The following ARHGAP24 variants were observed in gnomAD, a reference collection of about 807,000 sequenced individuals.
ARHGAP24 encodes rho GTPase-activating protein 24.
In ARHGAP24, 50 loss-of-function variants were observed where a neutral mutation model predicts 76.4. That is an observed-to-expected ratio of 0.65 (90% confidence interval 0.52 to 0.83). The LOEUF is 0.83. Among genes scored for constraint, ARHGAP24 ranks in the 40% least tolerant of loss-of-function variants. ARHGAP24 has a pLI of 0.00. For missense variants in ARHGAP24, 930 were observed against 914.2 expected, an observed-to-expected ratio of 1.02 and a Z score of -0.22; for synonymous variants, 345 against 323.3, an observed-to-expected ratio of 1.07 and a Z score of -0.72.
chr4:85,888,402 G>A (rs116721702), intron 3 of ARHGAP24, among the ~76,000 whole-genome samples: 194 of 125,088 alleles, frequency 1.6e-3, no homozygotes, highest in East Asian at 2.3e-3. Flanking sequence ...TTCCTCTCAA[G>A]AAAAAAAAAA....
At chr4:85,486,328 T>C (rs745666030) in intron 1 of ARHGAP24, among the ~76,000 whole-genome samples, 44 of 152,122 alleles carry the variant, frequency 2.9e-4, no homozygotes, top group Non-Finnish European at 4.0e-4. Context: ...TGGCATTTAA[T>C]ACAAGGGTCA....
chr4:85,477,162 A>G (rs1722632093), intron 1 of ARHGAP24, among the ~76,000 whole-genome samples: 1 of 152,182 alleles, frequency 6.6e-6, no homozygotes, highest in Non-Finnish European at 1.5e-5. Context: ...AGGTATTTGG[A>G]AGGAATATAA....
intron 1 of ARHGAP24, among the ~76,000 whole-genome samples, chr4:85,564,272 C>A (rs1468984098): frequency 1.3e-5 from 2 of 151,930 alleles, no homozygotes; most frequent in Non-Finnish European, 2.9e-5. Flanking sequence ...ATGAACTCAT[C>A]ATTTTTTATG....
intron 3 of ARHGAP24, among the ~76,000 whole-genome samples, chr4:85,817,444 T>C (rs1729290175): frequency 6.6e-6 from 1 of 152,186 alleles, no homozygotes. Flanking sequence ...TGATGTGAGT[T>C]AAGGGTCCAA....
chr4:85,763,947 A>G (rs1484136091), intron 3 of ARHGAP24, among the ~76,000 whole-genome samples: 1 of 152,184 alleles, frequency 6.6e-6, no homozygotes, highest in Non-Finnish European at 1.5e-5. Flanking sequence ...CATAAAATCC[A>G]AAAGTCAGCA....
intron 3 of ARHGAP24, among the ~76,000 whole-genome samples, chr4:85,809,753 C>G (rs1215921913): frequency 6.6e-6 from 1 of 152,140 alleles, no homozygotes; most frequent in African/African-American, 2.4e-5. Flanking sequence ...GGGTATTAGC[C>G]ATGCAGGCTG....
At chr4:85,749,024 C>T (rs1416414424) in intron 3 of ARHGAP24, among the ~76,000 whole-genome samples, 1 of 152,146 alleles carries the variant, frequency 6.6e-6, no homozygotes, top group Non-Finnish European at 1.5e-5. Flanking sequence ...TACAGGCATA[C>T]CGGATGGCTT....
At chr4:85,733,080 T>TTTTTTTTTTTTTTTTTTTTTTTTG (rs1578181584) in intron 3 of ARHGAP24, among the ~76,000 whole-genome samples, 1 of 136,082 alleles carries the variant, frequency 7.3e-6, no homozygotes, top group African/African-American at 2.8e-5. Flanking sequence ...TTTTTTTTTT[T>TTTTTTTTTTTTTTTTTTTTTTTTG]TGAGATGGAG....
At chr4:85,767,066 T>C (rs1294125148) in intron 3 of ARHGAP24, among the ~76,000 whole-genome samples, 1 of 152,176 alleles carries the variant, frequency 6.6e-6, no homozygotes, top group African/African-American at 2.4e-5. Flanking sequence ...CAATAGATTA[T>C]ACCACATAAC....
At chr4:85,696,403 A>G (rs7434773) in intron 2 of ARHGAP24, among the ~76,000 whole-genome samples, 97,680 of 151,926 alleles carry the variant, frequency 0.64, 33,815 homozygotes, top group Non-Finnish European at 0.79. Context: ...GAATAATGGG[A>G]AGAAAAGATA....
intron 1 of ARHGAP24, among the ~76,000 whole-genome samples, chr4:85,550,932 T>C (rs779537684): frequency 2.6e-5 from 4 of 152,220 alleles, no homozygotes; most frequent in Non-Finnish European, 4.4e-5. Flanking sequence ...ATTTTGGGGC[T>C]GATACAACAA....
At chr4:85,519,833 A>T (rs1389447220) in intron 1 of ARHGAP24, among the ~76,000 whole-genome samples, 1 of 152,120 alleles carries the variant, frequency 6.6e-6, no homozygotes, top group Admixed American at 6.6e-5. Flanking sequence ...ATTATAAAAG[A>T]CAAAAACCAA....
chr4:85,649,791 A>G (rs1721866622), intron 2 of ARHGAP24, among the ~76,000 whole-genome samples: 1 of 152,164 alleles, frequency 6.6e-6, no homozygotes, highest in African/African-American at 2.4e-5. Flanking sequence ...ATATCCTGGC[A>G]CTGTGTGATG....
chr4:85,894,638 G>T (rs1311707670), intron 3 of ARHGAP24, among the ~76,000 whole-genome samples: 1 of 152,132 alleles, frequency 6.6e-6, no homozygotes, highest in Non-Finnish European at 1.5e-5. Flanking sequence ...TTAGCAGGAT[G>T]AGGATGCAAA....
In ARHGAP24 at chr4:85,920,051, G is replaced by A. The variant is rs116019785; in HGVS notation, c.269-3597G>A. Reference sequence around the variant, plus strand: ...GTATGTAATTTTAATGTGCTTTGGTGTGCATATGTGTATCAAGAAAGATAA... The same window carrying A: ...GTATGTAATTTTAATGTGCTTTGGTATGCATATGTGTATCAAGAAAGATAA... On this transcript the variant is annotated intron_variant, in intron 3 of 9. Transcript: ENST00000395184. Among the ~76,000 whole-genome samples, 932 of 152,232 alleles carry A rather than the reference G, an allele frequency of 6.1e-3. 8 individuals carry two copies. Among genetic ancestry groups the A allele is most frequent in the African/African-American group, 0.021 (887 of 41,544 alleles).
chr4:85,751,705 C>G (rs1339466482), intron 3 of ARHGAP24, among the ~76,000 whole-genome samples: 5 of 152,158 alleles, frequency 3.3e-5, no homozygotes, highest in Non-Finnish European at 1.5e-5. Flanking sequence ...ATCCACATTT[C>G]CCTTCAGGAT....
chr4:85,730,852 C>G (rs957664690), intron 3 of ARHGAP24, among the ~76,000 whole-genome samples: 8 of 152,016 alleles, frequency 5.3e-5, no homozygotes, highest in Non-Finnish European at 1.2e-4. Flanking sequence ...CTGCCCCAAA[C>G]CCACCAGTTT....
intron 9 of ARHGAP24, among the ~76,000 whole-genome samples, chr4:85,997,196 A>G (rs1354510824): frequency 2.6e-5 from 4 of 151,892 alleles, no homozygotes; most frequent in Non-Finnish European, 5.9e-5. Context: ...TTCTGTTTAG[A>G]GTTATTCATT....
intron 8 of ARHGAP24, among the ~76,000 whole-genome samples, chr4:85,986,144 GA>G (rs1251614645): frequency 1.3e-5 from 2 of 151,916 alleles, no homozygotes; most frequent in Non-Finnish European, 2.9e-5. Flanking sequence ...TCTTCTACTT[GA>G]AAAATTATCT....
Sources: allele counts gnomAD v4.1 joint callset (sites outside exome capture counted in the v4.1 genomes callset), GRCh38; gene constraint gnomAD v4.1.1; transcripts MANE v1.5; gene names NCBI Gene and HGNC (gene_info 2026-07-23, HGNC 2026-07-21).